NYAP2: variants seen among roughly 807,000 people sequenced by gnomAD.
The protein encoded by NYAP2 is neuronal tyrosine-phosphorylated phosphoinositide-3-kinase adaptor 2, also known as neuronal tyrosine-phosphorylated phosphoinositide-3-kinase adapter 2.
Under a neutral mutation model 50.4 loss-of-function variants are expected in NYAP2, and 23 were observed. The observed-to-expected ratio is 0.46, with a 90% CI of 0.33 to 0.65. The LOEUF is 0.65. Among genes scored for constraint, NYAP2 ranks in the 30% least tolerant of loss-of-function variants. The probability of loss-of-function intolerance (pLI) is 0.02; values close to 1 mark genes in which losing one functional copy is unlikely to be tolerated. For missense variants in NYAP2, 885 were observed against 861.0 expected (o/e 1.03, Z -0.35); for synonymous variants, 394 against 365.2 (o/e 1.08, Z -0.90).
chr2:225,626,308 G>A (rs1397737661), intron 5 of NYAP2, among the ~76,000 whole-genome samples: 1 of 152,218 alleles, frequency 6.6e-6, no homozygotes, highest in African/African-American at 2.4e-5. Flanking sequence ...ATGTGTAGCA[G>A]AAGCAGCACA....
intron 4 of NYAP2, among the ~76,000 whole-genome samples, chr2:225,547,110 A>T (rs1230244442): frequency 1.3e-5 from 2 of 152,108 alleles, no homozygotes; most frequent in Non-Finnish European, 2.9e-5. Flanking sequence ...CCTCCCACAC[A>T]AGGAAGGAAT....
At chr2:225,501,022 G>A (rs1690597194) in intron 3 of NYAP2, among the ~76,000 whole-genome samples, 1 of 152,184 alleles carries the variant, frequency 6.6e-6, no homozygotes, top group Admixed American at 6.5e-5. Flanking sequence ...TCTGGGCTGA[G>A]AAAGTAACTA....
At chr2:225,535,014 C>T (rs1691321983) in intron 4 of NYAP2, among the ~76,000 whole-genome samples, 1 of 152,196 alleles carries the variant, frequency 6.6e-6, no homozygotes, top group African/African-American at 2.4e-5. Flanking sequence ...CTGGGGAAAA[C>T]TGTCCCCAGG....
intron 5 of NYAP2, among the ~76,000 whole-genome samples, chr2:225,609,985 A>T (rs1196373132): frequency 1.3e-5 from 2 of 152,090 alleles, no homozygotes; most frequent in African/African-American, 4.8e-5. Flanking sequence ...AAGTCATATA[A>T]CCTCATTGTG....
chr2:225,583,085 A>C, intron 5 of NYAP2, 50 bp downstream of exon 5: 2 of 1,569,180 alleles, frequency 1.3e-6, no homozygotes, highest in Non-Finnish European at 1.7e-6. Flanking sequence ...CCAGGCTTAC[A>C]ACCAGGGTGA....
intron 5 of NYAP2, among the ~76,000 whole-genome samples, chr2:225,610,496 G>A (rs1010440515): frequency 5.3e-5 from 8 of 152,112 alleles, no homozygotes; most frequent in African/African-American, 1.9e-4. Flanking sequence ...GAATTTTAAG[G>A]GGAGTCAAAA....
At chr2:225,400,576 G>A (rs757650886) in exon 2 of NYAP2, 1 of 152,018 alleles carries the variant, frequency 6.6e-6, no homozygotes, top group African/African-American at 2.4e-5. Flanking sequence ...AATCAAATGA[G>A]GTACATTAGC....
At chr2:225,409,101 G>A (rs1366462798) in exon 3 of NYAP2, 2 of 1,563,692 alleles carry the variant, frequency 1.3e-6, no homozygotes, top group South Asian at 1.2e-5. Flanking sequence ...GCAATAAAGC[G>A]GTAAATATAA....
chr2:225,413,789 G>A (rs573420483), intron 3 of NYAP2, among the ~76,000 whole-genome samples: 1 of 152,232 alleles, frequency 6.6e-6, no homozygotes, highest in East Asian at 1.9e-4. Flanking sequence ...TTAAAATTAT[G>A]TAACATATCT....
At chr2:225,427,862 G>A (rs1316223957) in intron 3 of NYAP2, among the ~76,000 whole-genome samples, 1 of 152,080 alleles carries the variant, frequency 6.6e-6, no homozygotes, top group East Asian at 1.9e-4. Context: ...ATCTTTGCTG[G>A]TGTCTCTGGA....
intron 3 of NYAP2, among the ~76,000 whole-genome samples, chr2:225,497,096 G>A (rs1690520458): frequency 6.6e-6 from 1 of 152,124 alleles, no homozygotes; most frequent in African/African-American, 2.4e-5. Flanking sequence ...TAATCCAAGT[G>A]CCTTCATTGA....
intron 3 of NYAP2, among the ~76,000 whole-genome samples, chr2:225,446,034 G>A (rs1270997647): frequency 6.6e-6 from 1 of 151,730 alleles, no homozygotes; most frequent in African/African-American, 2.4e-5. Context: ...ATGGAACTTT[G>A]GAGAGGTGTG....
In NYAP2 at chr2:225,432,208, G is replaced by C. The variant is rs975329693; in HGVS notation, c.221+23107G>C. Among the ~76,000 whole-genome samples, 30 of 146,724 alleles carry C rather than the reference G, an allele frequency of 2.0e-4. 1 individual carries two copies. The highest frequency in any genetic ancestry group is 8.2e-4 in the Admixed American group (12 of 14,644). Reference sequence around the variant, plus strand: ...GACGGGGTTTCAACCGTGTTAGCCAGGATGGTCTTGATCTCCTGACCTCGT... The same window carrying C: ...GACGGGGTTTCAACCGTGTTAGCCACGATGGTCTTGATCTCCTGACCTCGT... On this transcript the variant is annotated intron_variant, in intron 3 of 6. Transcript: ENST00000636099.
In NYAP2 at chr2:225,629,287, A is replaced by G. The variant is rs576669513; in HGVS notation, c.1828+2161A>G. ...TGCCCTTTATTCTCTGTTCCATTCTATTCAAATCCTCAGCAAATTGGATGA... is the reference window on the plus strand; with the variant it reads ...TGCCCTTTATTCTCTGTTCCATTCTGTTCAAATCCTCAGCAAATTGGATGA... On this transcript the variant is annotated intron_variant, in intron 6 of 6. Transcript: ENST00000636099. Among the ~76,000 whole-genome samples, 238 of 152,348 alleles carry G rather than the reference A, an allele frequency of 1.6e-3. 1 individual carries two copies. Among genetic ancestry groups the G allele is most frequent in the African/African-American group, 5.5e-3 (227 of 41,590 alleles).
intron 6 of NYAP2, among the ~76,000 whole-genome samples, chr2:225,635,178 T>C (rs768160416): frequency 5.3e-5 from 8 of 152,204 alleles, no homozygotes; most frequent in Non-Finnish European, 1.2e-4. Flanking sequence ...AGGCAAACCA[T>C]GCAGAATTGG....
intron 5 of NYAP2, among the ~76,000 whole-genome samples, chr2:225,621,710 T>A (rs559366497): frequency 1.8e-4 from 28 of 152,048 alleles, no homozygotes; most frequent in African/African-American, 2.6e-4. Context: ...AGTTTTTTTT[T>A]ATTTTTTTTT....
At position 225,445,928 on chromosome 2, in the gene NYAP2, T is replaced by C. The variant is rs1689546363; in HGVS notation, c.221+36827T>C. Among the ~76,000 whole-genome samples, 3 of 152,120 alleles carry C rather than the reference T, an allele frequency of 2.0e-5. No homozygotes were observed. The South Asian group carries it at 6.2e-4, about 32-fold the overall frequency. ...ATATTCAACCTTATATTGGGCTATA[T>C]CACCTTTCTGTGTCTAAATTTCCTC... On this transcript the variant is annotated intron_variant, in intron 3 of 6. Transcript: ENST00000636099.
At position 225,630,665 on chromosome 2, in the gene NYAP2, G is replaced by A. The variant is rs376760117; in HGVS notation, c.1828+3539G>A. Among the ~76,000 whole-genome samples, 104 of 152,340 alleles carry A rather than the reference G, an allele frequency of 6.8e-4. No homozygotes were observed. The South Asian group carries it at 0.021, about 31-fold the overall frequency. On this transcript the variant is annotated intron_variant, in intron 6 of 6. Transcript: ENST00000636099. ...TGATGTTGCATAAGCAGTAGATGGT[G>A]TCTGCCATGTAATTAGGTTTTTAAG...
intron 3 of NYAP2, among the ~76,000 whole-genome samples, chr2:225,502,494 T>C (rs1469898571): frequency 6.6e-6 from 1 of 152,264 alleles, no homozygotes; most frequent in African/African-American, 2.4e-5. Flanking sequence ...TATACATTCA[T>C]TTATTTAATT....
Sources: allele counts gnomAD v4.1 joint callset (sites outside exome capture counted in the v4.1 genomes callset), GRCh38; gene constraint gnomAD v4.1.1; transcripts MANE v1.5; gene names NCBI Gene and HGNC (gene_info 2026-07-23, HGNC 2026-07-21).